The following LRRC7 variants were observed in gnomAD, a reference collection of about 807,000 sequenced individuals.
The protein encoded by LRRC7 is leucine-rich repeat-containing protein 7.
Under a neutral mutation model 175.7 loss-of-function variants are expected in LRRC7, and 23 were observed. That is an observed-to-expected ratio of 0.13 (90% confidence interval 0.09 to 0.19). The LOEUF (loss-of-function observed/expected upper bound fraction) is 0.19, where lower values mean the gene tolerates loss of function less well. LRRC7 is among the 10% of genes least tolerant of loss of function. LRRC7 has a pLI of 1.00. For missense variants in LRRC7, 1,354 were observed against 1,904.7 expected (o/e 0.71, Z 5.38); for synonymous variants, 685 against 680.9 (o/e 1.01, Z -0.09).
chr1:70,069,568 C>T (rs61784280), intron 23 of LRRC7, among the ~76,000 whole-genome samples: 1 of 152,122 alleles, frequency 6.6e-6, no homozygotes, highest in East Asian at 1.9e-4. Context: ...TCTTGAATCT[C>T]CTTCTTGCTT....
At chr1:69,999,698 C>T (rs1459093516) in intron 11 of LRRC7, among the ~76,000 whole-genome samples, 1 of 152,102 alleles carries the variant, frequency 6.6e-6, no homozygotes, top group East Asian at 1.9e-4. Context: ...TTCTGGACAT[C>T]ATCTATGTGA....
At chr1:69,769,064 G>A (rs1434799660) in intron 3 of LRRC7, among the ~76,000 whole-genome samples, 5 of 152,130 alleles carry the variant, frequency 3.3e-5, no homozygotes, top group African/African-American at 1.2e-4. Context: ...AACAATAGAA[G>A]GAAGCATTCT....
At chr1:69,883,589 G>C (rs1395101876) in intron 7 of LRRC7, among the ~76,000 whole-genome samples, 1 of 100,046 alleles carries the variant, frequency 1.0e-5, no homozygotes, top group Non-Finnish European at 2.1e-5. Flanking sequence ...ATGGTAGTTT[G>C]TTTTGCTGTG....
chr1:69,836,659 T>C (rs546705652), intron 6 of LRRC7, among the ~76,000 whole-genome samples: 31 of 152,034 alleles, frequency 2.0e-4, no homozygotes, highest in South Asian at 4.1e-4. Flanking sequence ...AAGAGGACAC[T>C]TGAAATTCCT....
intron 21 of LRRC7, among the ~76,000 whole-genome samples, chr1:70,043,230 T>C (rs1480151385): frequency 1.3e-5 from 2 of 152,188 alleles, no homozygotes; most frequent in Non-Finnish European, 2.9e-5. Flanking sequence ...ATTAGATAAT[T>C]AGCATTAATA....
chr1:69,743,741 A>C (rs74086679), intron 2 of LRRC7, among the ~76,000 whole-genome samples: 259 of 152,090 alleles, frequency 1.7e-3, no homozygotes, highest in African/African-American at 6.0e-3. Flanking sequence ...AAATAATGAC[A>C]ATATATGTTA....
At chr1:69,761,769 A>G (rs918305458) in intron 3 of LRRC7, among the ~76,000 whole-genome samples, 2 of 152,058 alleles carry the variant, frequency 1.3e-5, no homozygotes, top group African/African-American at 4.8e-5. Flanking sequence ...TTCCTGGTAC[A>G]TGGGCAGGCA....
chr1:69,603,268 T>C lies in LRRC7; in HGVS notation c.2+34627T>C, dbSNP rs112860856. On this transcript the variant is annotated intron_variant, in intron 1 of 26. Transcript: ENST00000651989. ...ACAGATACCAGAAGTTAGGACTTGG[T>C]CATATTTTTTGAGGCAATTATTCAA... is the stretch of plus-strand genomic sequence containing the variant. Among the ~76,000 whole-genome samples, 246 of 152,260 alleles carry C rather than the reference T, an allele frequency of 1.6e-3. 1 individual carries two copies. The highest frequency in any genetic ancestry group is 5.8e-3 in the African/African-American group (240 of 41,562).
intron 2 of LRRC7, among the ~76,000 whole-genome samples, chr1:69,710,213 A>C (rs577552813): frequency 7.5e-6 from 1 of 133,560 alleles, no homozygotes; most frequent in Non-Finnish European, 1.5e-5. Flanking sequence ...CTGGAGGCGG[A>C]GGTTGCAGTG....
chr1:70,069,056 A>G (rs1662186830), intron 23 of LRRC7, among the ~76,000 whole-genome samples: 1 of 152,122 alleles, frequency 6.6e-6, no homozygotes, highest in South Asian at 2.1e-4. Flanking sequence ...TGTTCAAGTT[A>G]TCTATATTTT....
chr1:70,071,995 G>A (rs1156339252), intron 23 of LRRC7, among the ~76,000 whole-genome samples: 2 of 152,184 alleles, frequency 1.3e-5, no homozygotes, highest in Admixed American at 1.3e-4. Flanking sequence ...GAACAGTGCC[G>A]TTTGCTATCA....
intron 7 of LRRC7, among the ~76,000 whole-genome samples, chr1:69,921,924 T>A (rs1214405220): frequency 7.3e-6 from 1 of 137,824 alleles, no homozygotes; most frequent in Non-Finnish European, 1.6e-5. Flanking sequence ...ATTCATTCTG[T>A]TTGTTTGTTT....
At chr1:69,772,988 T>C (rs1280257625) in intron 3 of LRRC7, among the ~76,000 whole-genome samples, 1 of 152,164 alleles carries the variant, frequency 6.6e-6, no homozygotes, top group Non-Finnish European at 1.5e-5. Context: ...ATAAGAGTAG[T>C]ACAGTGAAAA....
chr1:70,116,564 A>C (rs905986434), intron 26 of LRRC7, among the ~76,000 whole-genome samples: 12 of 151,636 alleles, frequency 7.9e-5, no homozygotes, highest in Admixed American at 4.6e-4. Context: ...AAAAAAAAAA[A>C]ACACAGAAAT....
intron 7 of LRRC7, among the ~76,000 whole-genome samples, chr1:69,878,023 A>G (rs80198970): frequency 0.017 from 2,585 of 152,290 alleles, 74 homozygotes; most frequent in African/African-American, 0.059. Context: ...AAAAAGAGTC[A>G]GCTGGAGTAG....
chr1:69,824,392 C>T (rs1357486084), intron 4 of LRRC7, among the ~76,000 whole-genome samples: 2 of 152,070 alleles, frequency 1.3e-5, no homozygotes, highest in South Asian at 2.1e-4. Flanking sequence ...CTAGGTGTTT[C>T]GGCCTTCCAA....
chr1:69,878,283 A>G (rs559388201), intron 7 of LRRC7, among the ~76,000 whole-genome samples: 6,469 of 151,138 alleles, frequency 0.043, 229 homozygotes, highest in Non-Finnish European at 0.059. Flanking sequence ...TTAGAAAAAA[A>G]AAAAAAAACA....
intron 2 of LRRC7, among the ~76,000 whole-genome samples, chr1:69,732,814 A>G (rs1013333735): frequency 6.6e-6 from 1 of 152,090 alleles, no homozygotes; most frequent in Non-Finnish European, 1.5e-5. Flanking sequence ...ACACACTTTT[A>G]TGAAGATACT....
chr1:69,841,030 G>C (rs1681668889), intron 7 of LRRC7, among the ~76,000 whole-genome samples: 1 of 151,928 alleles, frequency 6.6e-6, no homozygotes, highest in African/African-American at 2.4e-5. Context: ...TCATTTGTTT[G>C]TGTAAGAGTA....
Sources: gnomAD v4.1 joint callset for allele counts (sites outside exome capture counted in the v4.1 genomes callset) on GRCh38, gnomAD v4.1.1 for gene constraint, MANE v1.5 for transcripts, NCBI Gene and HGNC (gene_info 2026-07-23, HGNC 2026-07-21) for gene names.